Variants in METTL2B observed in about 807,000 individuals in gnomAD.
The protein encoded by METTL2B is tRNA N(3)-cytidine methyltransferase METTL2B.
In METTL2B, 28 loss-of-function variants were observed where a neutral mutation model predicts 51.0. The observed-to-expected ratio is 0.55, with a 90% CI of 0.41 to 0.75. METTL2B has a LOEUF of 0.75. METTL2B is among the 30% of genes least tolerant of loss of function. METTL2B has a pLI of 0.00. For synonymous variants in METTL2B, 128 were observed against 166.3 expected, an observed-to-expected ratio of 0.77 and a Z score of 1.77; for missense variants, 313 against 460.7, an observed-to-expected ratio of 0.68 and a Z score of 2.93.
intron 5 of METTL2B, among the ~76,000 whole-genome samples, chr7:128,491,761 C>CAAAA (rs57526525): frequency 7.0e-5 from 8 of 114,556 alleles, no homozygotes; most frequent in Admixed American, 2.0e-4. Context: ...GACTCTGTCT[C>CAAAA]AAAAAAAAAA....
intron 2 of METTL2B, among the ~76,000 whole-genome samples, 178 bp from the exon 3 acceptor site, chr7:128,478,980 A>C (rs1429859230): frequency 1.3e-5 from 2 of 152,228 alleles, no homozygotes; most frequent in African/African-American, 2.4e-5. Context: ...GCATTTGGGT[A>C]TAATGCCAGA....
In METTL2B at chr7:128,485,558, C is replaced by T. The variant is rs1258609250; in HGVS notation, c.609-2543C>T. 9.9e-5 allele frequency among the ~76,000 whole-genome samples: 15 copies of T among 151,246 alleles called. 1 individual carries two copies. In the East Asian group the frequency reaches 1.8e-3, roughly 18 times the overall value. On this transcript the variant is annotated intron_variant, in intron 4 of 8. Transcript: ENST00000262432. ...GCAGGCACCTGTAGTCCCAGCTACTCGGGAGGCTGAGGCAGGAGAATGGCA... is the reference window on the plus strand; with the variant it reads ...GCAGGCACCTGTAGTCCCAGCTACTTGGGAGGCTGAGGCAGGAGAATGGCA...
rs1793015504 is a variant in METTL2B at position 128,500,850 on chromosome 7, A to C, written c.917-53A>C. On this transcript the variant is annotated intron_variant, in intron 7 of 8. Coordinates refer to ENST00000262432, the MANE Select transcript of METTL2B (RefSeq NM_018396.3). Reference sequence around the variant, plus strand: ...CTCAGTTAACATTCCTTAGCAGTGCAAGTCAAAGAGACACTTTAAAGTGTC... The same window carrying C: ...CTCAGTTAACATTCCTTAGCAGTGCCAGTCAAAGAGACACTTTAAAGTGTC... 8 of 1,606,174 alleles carry C rather than the reference A, an allele frequency of 5.0e-6. No individual in the cohort carries two copies. In the Admixed American group the frequency reaches 1.3e-4, roughly 27 times the overall value.
rs534351594 is a variant in METTL2B at position 128,483,667 on chromosome 7, G to A, written c.608+2971G>A. On this transcript the variant is annotated intron_variant, in intron 4 of 8. Transcript: ENST00000262432. Reference sequence around the variant, plus strand: ...AGCAATTATCCTGCCTCAGCCTCCCGAGTAGTTGGGATTACAGGTGCCCAC... The same window carrying A: ...AGCAATTATCCTGCCTCAGCCTCCCAAGTAGTTGGGATTACAGGTGCCCAC... 1.0e-3 allele frequency among the ~76,000 whole-genome samples: 155 copies of A among 151,384 alleles called. 1 individual carries two copies. The highest frequency in any genetic ancestry group is 3.4e-3 in the African/African-American group (141 of 41,212).
chr7:128,485,811 C>T (rs1792692131), intron 4 of METTL2B, among the ~76,000 whole-genome samples: 2 of 152,092 alleles, frequency 1.3e-5, no homozygotes, highest in African/African-American at 4.8e-5. Context: ...GACCCTGTCT[C>T]AAAAATCAAT....
chr7:128,491,103 C>T (rs184486473), intron 5 of METTL2B, among the ~76,000 whole-genome samples: 2,563 of 139,782 alleles, frequency 0.018, 73 homozygotes, highest in African/African-American at 0.066. Context: ...TGCAGTGAGC[C>T]GAGATCGTGC....
intron 2 of METTL2B, among the ~76,000 whole-genome samples, chr7:128,478,253 T>A (rs1354952052): frequency 6.0e-5 from 7 of 117,392 alleles, no homozygotes; most frequent in Admixed American, 2.7e-4. Flanking sequence ...CTGTCCATAC[T>A]TTTTTTTTTT....
intron 7 of METTL2B, among the ~76,000 whole-genome samples, chr7:128,500,054 C>G (rs1473644172): frequency 6.6e-6 from 1 of 151,966 alleles, no homozygotes; most frequent in Non-Finnish European, 1.5e-5. Context: ...ATTTTAAACT[C>G]CATCCCCGTA....
chr7:128,503,494 G>A lies in METTL2B; in HGVS notation c.*1578G>A, dbSNP rs1440667027. ...TTTGTTGCCCAGGCTGGAGTTCAGTGGTGCAATGATAGCTCATTATCACCT... is the reference window on the plus strand; with the variant it reads ...TTTGTTGCCCAGGCTGGAGTTCAGTAGTGCAATGATAGCTCATTATCACCT... On this transcript the variant is annotated 3_prime_UTR_variant, in exon 9 of 9. Transcript: ENST00000262432. The A allele has an allele frequency of 1.4e-5, 2 of 147,958 alleles. No individual in the cohort carries two copies. Among genetic ancestry groups the A allele is most frequent in the Non-Finnish European group, 3.0e-5 (2 of 67,510 alleles). 9.2% of individuals were successfully genotyped at this position (147,958 alleles called of 1,614,324 possible). A position where few individuals can be genotyped will look rare whatever the true frequency, so the allele number is the denominator to read the frequency against.
intron 6 of METTL2B, among the ~76,000 whole-genome samples, chr7:128,495,689 G>C (rs1792912748): frequency 6.6e-6 from 1 of 152,048 alleles, no homozygotes; most frequent in African/African-American, 2.4e-5. Flanking sequence ...CTGACCTCAA[G>C]TTATCCACCC....
At chr7:128,483,800 C>G (rs1792621291) in intron 4 of METTL2B, 1 of 152,502 alleles carries the variant, frequency 6.6e-6, no homozygotes, top group Admixed American at 6.5e-5. Flanking sequence ...TCTTGGCTCA[C>G]CGCAACCTCT....
Position 128,493,814 on chromosome 7 carries a change from A to G in METTL2B, c.680A>G (p.Glu227Gly). The G allele has an allele frequency of 1.0e-5, 16 of 1,607,072 alleles. No individual in the cohort carries two copies. The highest frequency in any genetic ancestry group is 1.4e-5 in the Non-Finnish European group (16 of 1,178,170). ...TAIELVQTNS[E>G]YDPSRCFAFV... ...TCCACCTGTCTGCAGACAAATTCAGAATATGATCCTTCTCGGTGTTTTGCC... is the reference window on the plus strand; with the variant it reads ...TCCACCTGTCTGCAGACAAATTCAGGATATGATCCTTCTCGGTGTTTTGCC... Residue 227 changes from glutamate to glycine, a missense_variant, in exon 6 of 9, where the codon GAA becomes GGA. Around this residue, in one of 4 missense-constraint regions of METTL2B, gnomAD observed 138 missense variants for 187.6 expected, o/e 0.74. Coordinates refer to ENST00000262432, the MANE Select transcript of METTL2B (RefSeq NM_018396.3).
rs546279691 is a variant in METTL2B, at chr7:128,483,307, A to G, written c.608+2611A>G. 5.3e-5 allele frequency: 8 copies of G among 152,306 alleles called. No individual in the cohort carries two copies. In the East Asian group the frequency reaches 1.2e-3, roughly 22 times the overall value. The allele number at this position is 152,306 out of a possible 1,614,324, so 9.4% of individuals were successfully genotyped here. ...CTGGCTTAGAATTGGCATGTTTTCT[A>G]CTGCCTGTGAATCAGGTTTAAATTG... On this transcript the variant is annotated intron_variant, in intron 4 of 8. Coordinates refer to ENST00000262432, the MANE Select transcript of METTL2B (RefSeq NM_018396.3).
At chr7:128,492,163 T>A (rs888834299) in intron 5 of METTL2B, among the ~76,000 whole-genome samples, 2 of 151,280 alleles carry the variant, frequency 1.3e-5, no homozygotes, top group African/African-American at 4.9e-5. Context: ...TGGCTAATTT[T>A]TTTTTTTTTT....
Position 128,501,414 on chromosome 7 carries a change from G to A in METTL2B, c.983-348G>A, listed in dbSNP as rs187717091. 3.6e-5 allele frequency: 35 copies of A among 985,390 alleles called. No homozygotes were observed. In the Admixed American group the frequency reaches 1.9e-3, roughly 54 times the overall value. The allele number at this position is 985,390 out of a possible 1,614,324, so 61.0% of individuals were successfully genotyped here. A position where few individuals can be genotyped will look rare whatever the true frequency, so the allele number is the denominator to read the frequency against. ...GCCTTCTGTTCCTGGGCCCTTTTTAGGGTCACCTTCTTTGAGCCTTTGGTT... is the reference window on the plus strand; with the variant it reads ...GCCTTCTGTTCCTGGGCCCTTTTTAAGGTCACCTTCTTTGAGCCTTTGGTT... On this transcript the variant is annotated intron_variant, in intron 8 of 8. Transcript: ENST00000262432.
At chr7:128,484,997 T>C (rs1028684747) in intron 4 of METTL2B, among the ~76,000 whole-genome samples, 16 of 152,114 alleles carry the variant, frequency 1.1e-4, no homozygotes, top group African/African-American at 3.9e-4. Context: ...TCACTCCCCA[T>C]TTCCCAATTT....
chr7:128,495,593 A>G (rs1308417337), intron 6 of METTL2B, among the ~76,000 whole-genome samples: 1 of 151,856 alleles, frequency 6.6e-6, no homozygotes, highest in Admixed American at 6.6e-5. Context: ...TGGGATTCAG[A>G]CAAGCACCAC....
At chr7:128,493,702 G>A (rs1365556627) in intron 5 of METTL2B, 102 bp from the exon 6 acceptor site, 57 of 1,468,032 alleles carry the variant, frequency 3.9e-5, no homozygotes, top group East Asian at 7.0e-5. Flanking sequence ...ATCCCTCTTC[G>A]TGAAGTAGCA....
chr7:128,494,730 C>A lies in METTL2B; in HGVS notation c.809+787C>A, dbSNP rs117975593. On this transcript the variant is annotated intron_variant, in intron 6 of 8. Coordinates refer to ENST00000262432, the MANE Select transcript of METTL2B (RefSeq NM_018396.3). ...GCAACCTCCGCCTCCCCAGTTCACA[C>A]AATTGTCCTGCCTCAACCTCCCGAG... Among the ~76,000 whole-genome samples, 334 of 152,240 alleles carry A rather than the reference C, an allele frequency of 2.2e-3. 9 individuals carry two copies. The East Asian group carries it at 0.057, about 26-fold the overall frequency.
Sources: allele counts gnomAD v4.1 joint callset (sites outside exome capture counted in the v4.1 genomes callset), GRCh38; gene constraint gnomAD v4.1.1; regional missense constraint gnomAD v4.1.1; transcripts MANE v1.5; gene names NCBI Gene and HGNC (gene_info 2026-07-23, HGNC 2026-07-21).